The following CPNE4 variants were observed in gnomAD, a reference collection of about 807,000 sequenced individuals.
The protein encoded by CPNE4 is copine-4.
CPNE4 carries 25 observed loss-of-function variants against 67.9 expected under a neutral mutation model. The ratio of observed to expected loss-of-function variants is 0.37; its 90% confidence interval spans 0.27 to 0.51. CPNE4 has a LOEUF of 0.51. CPNE4 is among the 20% of genes least tolerant of loss of function. CPNE4 has a pLI of 0.93. For missense variants in CPNE4, 464 were observed against 690.8 expected, an observed-to-expected ratio of 0.67 and a Z score of 3.68; for synonymous variants, 242 against 244.9, an observed-to-expected ratio of 0.99 and a Z score of 0.11.
chr3:131,966,587 T>C (rs911694053), intron 1 of CPNE4, among the ~76,000 whole-genome samples: 2 of 152,066 alleles, frequency 1.3e-5, no homozygotes, highest in African/African-American at 4.8e-5. Flanking sequence ...GAGAATACTA[T>C]AAACAACTCT....
At chr3:131,597,396 C>G (rs540955042) in intron 7 of CPNE4, among the ~76,000 whole-genome samples, 35 of 152,220 alleles carry the variant, frequency 2.3e-4, no homozygotes, top group Admixed American at 4.6e-4. Flanking sequence ...ACCACCATAG[C>G]ATGTGTATAC....
chr3:131,944,396 A>C (rs565573845), intron 1 of CPNE4, among the ~76,000 whole-genome samples: 37 of 152,146 alleles, frequency 2.4e-4, no homozygotes, highest in South Asian at 8.3e-4. Context: ...AGTGAGACAA[A>C]TGGGTGAGAG....
At chr3:131,743,918 G>T (rs541891645) in intron 2 of CPNE4, among the ~76,000 whole-genome samples, 1 of 115,784 alleles carries the variant, frequency 8.6e-6, no homozygotes, top group Non-Finnish European at 1.6e-5. Flanking sequence ...AGCCGAGATC[G>T]CGCCACTGCA....
chr3:131,621,859 A>G (rs1050390282), intron 7 of CPNE4, among the ~76,000 whole-genome samples: 1 of 151,222 alleles, frequency 6.6e-6, no homozygotes, highest in Non-Finnish European at 1.5e-5. Flanking sequence ...ATACAAAAAA[A>G]AAAATGAGCT....
intron 1 of CPNE4, among the ~76,000 whole-genome samples, chr3:131,922,137 T>C (rs569813118): frequency 2.0e-5 from 3 of 152,282 alleles, no homozygotes; most frequent in Admixed American, 6.5e-5. Flanking sequence ...GAGTACCCAG[T>C]GTTTACCTTC....
chr3:131,888,269 CA>C (rs1231173504), intron 2 of CPNE4, among the ~76,000 whole-genome samples: 2 of 152,126 alleles, frequency 1.3e-5, no homozygotes, highest in African/African-American at 4.8e-5. Flanking sequence ...TCCCCAATTA[CA>C]AATCCTAGTT....
chr3:131,694,972 G>T (rs1560128840), intron 5 of CPNE4, among the ~76,000 whole-genome samples: 1 of 152,180 alleles, frequency 6.6e-6, no homozygotes, highest in Non-Finnish European at 1.5e-5. Context: ...TGTTTACCAT[G>T]CAGCAATAGA....
At position 131,890,848 on chromosome 3, in the gene CPNE4, A is replaced by C. The variant is rs115802849; in HGVS notation, c.180+14416T>G. 8.9e-3 allele frequency among the ~76,000 whole-genome samples: 1,355 copies of C among 152,256 alleles called. 16 individuals are homozygous for C. Among genetic ancestry groups the C allele is most frequent in the African/African-American group, 0.03 (1,259 of 41,558 alleles). On this transcript the variant is annotated intron_variant, in intron 2 of 15. Transcript: ENST00000429747. ...TGATGCTAAGTGAAATAAGCCAGTCACAGGACAAACACTGCATGATTCCTC... is the reference window on the plus strand; with the variant it reads ...TGATGCTAAGTGAAATAAGCCAGTCCCAGGACAAACACTGCATGATTCCTC...
chr3:131,766,292 T>C (rs1254392099), intron 2 of CPNE4, among the ~76,000 whole-genome samples: 1 of 4,206 alleles, frequency 2.4e-4, no homozygotes, highest in African/African-American at 3.0e-4. Context: ...AAGCAAAGTG[T>C]TTTACAAGTA....
At chr3:131,709,547 G>A (rs960568132) in intron 3 of CPNE4, among the ~76,000 whole-genome samples, 2 of 152,200 alleles carry the variant, frequency 1.3e-5, no homozygotes, top group Non-Finnish European at 2.9e-5. Context: ...AAAAGTGCTG[G>A]CAAAGAGGTT....
intron 1 of CPNE4, among the ~76,000 whole-genome samples, chr3:132,017,002 T>C (rs556934280): frequency 3.7e-4 from 56 of 152,154 alleles, no homozygotes; most frequent in African/African-American, 1.2e-3. Flanking sequence ...GTTCAATATA[T>C]GCTAGCCGAT....
intron 11 of CPNE4, among the ~76,000 whole-genome samples, chr3:131,558,105 C>A (rs752703921): frequency 6.6e-6 from 1 of 151,808 alleles, no homozygotes; most frequent in East Asian, 1.9e-4. Context: ...GCTATGTAAT[C>A]GAGTTTCAAG....
At chr3:131,799,584 T>A (rs2084016917) in intron 2 of CPNE4, among the ~76,000 whole-genome samples, 1 of 152,182 alleles carries the variant, frequency 6.6e-6, no homozygotes, top group South Asian at 2.1e-4. Context: ...GAAGTAATAT[T>A]CTTTCACGAC....
chr3:131,667,749 G>A (rs1221800185), intron 7 of CPNE4, among the ~76,000 whole-genome samples: 1 of 151,764 alleles, frequency 6.6e-6, no homozygotes, highest in African/African-American at 2.4e-5. Flanking sequence ...AGGCAGCAGA[G>A]CACTCAGAAA....
chr3:131,908,147 T>C (rs1225004), intron 1 of CPNE4, among the ~76,000 whole-genome samples: 30,417 of 152,114 alleles, frequency 0.2, 3,815 homozygotes, highest in Non-Finnish European at 0.27. Context: ...ATACAACAAA[T>C]ATCCTTGATT....
chr3:131,839,848 A>C (rs1002021264), intron 2 of CPNE4, among the ~76,000 whole-genome samples: 5 of 152,192 alleles, frequency 3.3e-5, no homozygotes, highest in Non-Finnish European at 7.3e-5. Flanking sequence ...TCTAGTTCTC[A>C]ATTCTATCAC....
chr3:131,975,287 C>G (rs1323151472), intron 1 of CPNE4, among the ~76,000 whole-genome samples: 2 of 152,116 alleles, frequency 1.3e-5, no homozygotes, highest in Admixed American at 6.5e-5. Flanking sequence ...ATAAGAAAGT[C>G]AGCCTCCAGG....
intron 7 of CPNE4, among the ~76,000 whole-genome samples, chr3:131,657,800 G>A (rs1047829821): frequency 7.9e-5 from 12 of 151,762 alleles, no homozygotes; most frequent in Non-Finnish European, 1.8e-4. Context: ...TCCTGACCTC[G>A]TGATCTGCCC....
chr3:131,891,417 C>T lies in CPNE4; in HGVS notation c.180+13847G>A, dbSNP rs559362728. The stretch of plus-strand genomic sequence containing the variant: ...ACATTAATCAAAACTCATCAAGCTA[C>T]GAGTTTTTTTTTTAAACTTTTGAGT... On this transcript the variant is annotated intron_variant, in intron 2 of 15. Coordinates refer to ENST00000429747, the MANE Select transcript of CPNE4 (RefSeq NM_130808.3). 2.5e-4 allele frequency among the ~76,000 whole-genome samples: 38 copies of T among 149,230 alleles called. No individual in the cohort carries two copies. The South Asian group carries it at 4.4e-3, about 17-fold the overall frequency.
Sources: gnomAD v4.1 joint callset for allele counts (sites outside exome capture counted in the v4.1 genomes callset) on GRCh38, gnomAD v4.1.1 for gene constraint, MANE v1.5 for transcripts, NCBI Gene and HGNC (gene_info 2026-07-23, HGNC 2026-07-21) for gene names.